The following ASTN2 variants were observed in gnomAD, a reference collection of about 807,000 sequenced individuals.
ASTN2 encodes the protein astrotactin 2, also known as astrotactin-2.
A neutral mutation model predicts 139.8 loss-of-function variants in ASTN2; 54 were observed. The observed-to-expected ratio is 0.39, with a 90% CI of 0.31 to 0.48. The LOEUF is 0.48. Ranked by LOEUF, ASTN2 falls within the 20% of genes least tolerant of loss-of-function variation. The pLI is 0.95. For missense variants in ASTN2, 1,565 were observed against 1,725.1 expected, an observed-to-expected ratio of 0.91 and a Z score of 1.64; for synonymous variants, 756 against 719.5, an observed-to-expected ratio of 1.05 and a Z score of -0.81.
intron 7 of ASTN2, among the ~76,000 whole-genome samples, chr9:116,995,631 T>C (rs1836991910): frequency 6.6e-6 from 1 of 152,202 alleles, no homozygotes. Context: ...TGTAATTATG[T>C]GCTGATAGCA....
intron 16 of ASTN2, among the ~76,000 whole-genome samples, chr9:116,679,118 C>G (rs1293508637): frequency 1.3e-5 from 2 of 151,948 alleles, no homozygotes; most frequent in African/African-American, 4.8e-5. Context: ...AAAGGTTTTT[C>G]TTTTTAAAAA....
chr9:116,958,781 G>A (rs183080048), intron 10 of ASTN2, among the ~76,000 whole-genome samples: 2 of 151,984 alleles, frequency 1.3e-5, no homozygotes, highest in Non-Finnish European at 1.5e-5. Context: ...GAAATAAGCC[G>A]GGTCTAGCTG....
At chr9:117,164,148 A>G (rs1272172804) in intron 3 of ASTN2, among the ~76,000 whole-genome samples, 1 of 152,092 alleles carries the variant, frequency 6.6e-6, no homozygotes, top group African/African-American at 2.4e-5. Flanking sequence ...GGGTTTTAAT[A>G]TCAGTTTTAG....
chr9:117,076,600 G>C (rs1040536747), intron 5 of ASTN2, among the ~76,000 whole-genome samples: 5 of 152,166 alleles, frequency 3.3e-5, no homozygotes, highest in Non-Finnish European at 7.3e-5. Context: ...GGATGAAGAG[G>C]ACAAGAGTGG....
chr9:116,533,156 CTGTT>C (rs1407903462), intron 19 of ASTN2, among the ~76,000 whole-genome samples: 8 of 152,122 alleles, frequency 5.3e-5, no homozygotes, highest in African/African-American at 1.7e-4. Flanking sequence ...ATTTGGCTCT[CTGTT>C]TGTCTGTTAT....
intron 11 of ASTN2, among the ~76,000 whole-genome samples, chr9:116,858,340 G>A (rs993530782): frequency 5.9e-5 from 9 of 152,206 alleles, no homozygotes; most frequent in African/African-American, 1.7e-4. Flanking sequence ...TAAGGAGGAC[G>A]CATTGTGTTT....
At chr9:117,152,244 A>C (rs1345665056) in intron 3 of ASTN2, among the ~76,000 whole-genome samples, 1 of 152,194 alleles carries the variant, frequency 6.6e-6, no homozygotes, top group Non-Finnish European at 1.5e-5. Context: ...CTTAACCTAG[A>C]TAAGCCTGCG....
In ASTN2 at chr9:116,733,493, C is replaced by A; in HGVS notation, c.2427G>T (p.Gln809His). ...GGATCACCAACAGCCCATCGGCCAG[C>A]TGGGGAAAGTCCTTGATGAAGTTGT... ...RENNFIKDFP[Q>H]LADGLLVIPL... The change falls in exon 14 of 23, where the codon CAG (glutamine) becomes CAT (histidine). Residue 809 changes from glutamine (Q) to histidine (H), a missense_variant. Gln to His is a conservative substitution (Grantham distance 24, BLOSUM62 0). Transcript: ENST00000313400. 1 of 1,614,180 alleles carries A rather than the reference C, an allele frequency of 6.2e-7. No individual in the cohort carries two copies. The highest frequency in any genetic ancestry group is 8.5e-7 in the Non-Finnish European group (1 of 1,180,032).
chr9:116,983,833 T>C (rs1289640437), intron 7 of ASTN2, among the ~76,000 whole-genome samples: 1 of 152,148 alleles, frequency 6.6e-6, no homozygotes, highest in Admixed American at 6.5e-5. Flanking sequence ...GGCTGGTCCA[T>C]GAAGGATGAG....
intron 19 of ASTN2, 21 bp from the exon 20 acceptor site, chr9:116,487,521 A>G: frequency 6.2e-7 from 1 of 1,611,646 alleles, no homozygotes. Flanking sequence ...AAAAAGAAAG[A>G]TGAGCTCCCC....
intron 6 of ASTN2, among the ~76,000 whole-genome samples, chr9:117,017,017 G>T (rs1031426139): frequency 6.6e-6 from 1 of 151,410 alleles, no homozygotes; most frequent in Non-Finnish European, 1.5e-5. Context: ...ATGTATCTAC[G>T]GTCTTGCTTC....
chr9:116,748,548 C>A (rs1829312983), intron 13 of ASTN2, among the ~76,000 whole-genome samples: 2 of 152,186 alleles, frequency 1.3e-5, no homozygotes, highest in Admixed American at 6.5e-5. Context: ...TCTTAGGAAT[C>A]CTCTATCTCA....
At chr9:117,048,670 G>T (rs147272498) in intron 5 of ASTN2, among the ~76,000 whole-genome samples, 1 of 152,168 alleles carries the variant, frequency 6.6e-6, no homozygotes, top group Non-Finnish European at 1.5e-5. Flanking sequence ...AGATGGTACC[G>T]TATTATTTTA....
rs116204136 is a variant in ASTN2 at position 116,477,081 on chromosome 9, C to G, written c.3497+10278G>C. On this transcript the variant is annotated intron_variant, in intron 20 of 22. Coordinates refer to ENST00000313400, the MANE Select transcript of ASTN2 (RefSeq NM_001365068.1). ...GTCACATGAGCAGTCTGTGCCCTGT[C>G]CCTCTGGAACCCTGGCTGGTGTCCC... Among the ~76,000 whole-genome samples the G allele has an allele frequency of 4.8e-3, 734 of 152,130 alleles. 7 individuals carry two copies. The highest frequency in any genetic ancestry group is 0.016 in the African/African-American group (685 of 41,520).
chr9:117,120,018 G>GTGTATATATATATATATA (rs1306397698), intron 4 of ASTN2, among the ~76,000 whole-genome samples: 40 of 45,980 alleles, frequency 8.7e-4, no homozygotes, highest in East Asian at 3.5e-3. Context: ...GTGTGTGTGT[G>GTGTATATATATATATATA]TATATATATA....
At chr9:116,546,876 G>A (rs751208576) in intron 19 of ASTN2, among the ~76,000 whole-genome samples, 20 of 152,142 alleles carry the variant, frequency 1.3e-4, no homozygotes, top group Non-Finnish European at 2.8e-4. Flanking sequence ...TACATTGAGG[G>A]AGCAGGCGTT....
chr9:117,323,208 A>C (rs1828391573), intron 1 of ASTN2, among the ~76,000 whole-genome samples: 1 of 152,112 alleles, frequency 6.6e-6, no homozygotes, highest in Non-Finnish European at 1.5e-5. Flanking sequence ...CCATGAAAAG[A>C]ACAATTTCTC....
chr9:117,276,422 A>G (rs191402771), intron 2 of ASTN2, among the ~76,000 whole-genome samples: 65 of 152,284 alleles, frequency 4.3e-4, no homozygotes, highest in Non-Finnish European at 7.9e-4. Flanking sequence ...TGCTACCACA[A>G]GAGAGAGGAA....
chr9:116,990,570 C>T (rs1486569173), intron 7 of ASTN2, among the ~76,000 whole-genome samples: 1 of 152,144 alleles, frequency 6.6e-6, no homozygotes, highest in Non-Finnish European at 1.5e-5. Flanking sequence ...CACACCCAGC[C>T]TTTCTTAGAG....
Sources: gnomAD v4.1 joint callset for allele counts (sites outside exome capture counted in the v4.1 genomes callset) on GRCh38, gnomAD v4.1.1 for gene constraint, MANE v1.5 for transcripts, NCBI Gene and HGNC (gene_info 2026-07-23, HGNC 2026-07-21) for gene names.